TENM3: variants seen among roughly 807,000 people sequenced by gnomAD.
TENM3 encodes teneurin-3.
A neutral mutation model predicts 255.1 loss-of-function variants in TENM3; 63 were observed. That is an observed-to-expected ratio of 0.25 (90% CI 0.20 to 0.30). The LOEUF (loss-of-function observed/expected upper bound fraction) is 0.30. TENM3 is among the 10% of genes least tolerant of loss of function. TENM3 has a pLI of 1.00. For synonymous variants in TENM3, 1,306 were observed against 1,322.3 expected (o/e 0.99, Z 0.27); for missense variants, 2,929 against 3,461.1 (o/e 0.85, Z 3.86).
chr4:182,776,855 A>G (rs75099425), intron 24 of TENM3, among the ~76,000 whole-genome samples: 2 of 152,214 alleles, frequency 1.3e-5, no homozygotes, highest in Non-Finnish European at 2.9e-5. Flanking sequence ...GTTTTAGAAA[A>G]TACGCTATTT....
chr4:182,095,280 A>T, the TENM3 span, among the ~76,000 whole-genome samples: 27,774 of 152,186 alleles, frequency 0.18, 2,754 homozygotes, highest in Non-Finnish European at 0.21. Context: ...CAACCTAAGT[A>T]CCCATCAACA....
chr4:182,798,210 G>A (rs1004873651), intron 27 of TENM3, among the ~76,000 whole-genome samples: 3 of 152,064 alleles, frequency 2.0e-5, no homozygotes, highest in African/African-American at 4.8e-5. Flanking sequence ...GTCTCCCTGC[G>A]TAGCACAGGC....
chr4:182,784,322 G>A (rs1402711351), intron 24 of TENM3, among the ~76,000 whole-genome samples: 2 of 152,012 alleles, frequency 1.3e-5, no homozygotes, highest in Admixed American at 1.3e-4. Context: ...CGTGTGAGGT[G>A]TCAGTGTGCC....
At chr4:182,697,547 A>G (rs994977231) in intron 12 of TENM3, among the ~76,000 whole-genome samples, 3 of 152,158 alleles carry the variant, frequency 2.0e-5, no homozygotes, top group Non-Finnish European at 4.4e-5. Context: ...TTTGATGGAC[A>G]GAGGGGATAG....
At chr4:181,901,003 A>C in the TENM3 span, among the ~76,000 whole-genome samples, 1 of 152,262 alleles carries the variant, frequency 6.6e-6, no homozygotes, top group South Asian at 2.1e-4. Context: ...TTTCTTTCAG[A>C]TTGGAGCCCA....
chr4:181,641,550 G>GTATATATATATATATATA, the TENM3 span, among the ~76,000 whole-genome samples: 1 of 49,038 alleles, frequency 2.0e-5, no homozygotes, highest in African/African-American at 1.1e-4. Flanking sequence ...TCCATGGTGT[G>GTATATATATATATATATA]TGTGTATATA....
At chr4:181,777,258 C>T in the TENM3 span, among the ~76,000 whole-genome samples, 1 of 152,050 alleles carries the variant, frequency 6.6e-6, no homozygotes. Context: ...TATTCTGTTC[C>T]ATTGGTCTAT....
the TENM3 span, among the ~76,000 whole-genome samples, chr4:181,500,332 T>C: frequency 7.4e-6 from 1 of 134,328 alleles, no homozygotes; most frequent in African/African-American, 2.7e-5. Flanking sequence ...CCCGGCCTTA[T>C]GGAAAAAAAA....
chr4:182,203,634 T>C (rs1754350380), intron 1 of TENM3, among the ~76,000 whole-genome samples: 1 of 152,174 alleles, frequency 6.6e-6, no homozygotes, highest in Non-Finnish European at 1.5e-5. Context: ...GCTGGGCCTG[T>C]ATCCTCCCTC....
At chr4:181,462,638 A>G in the TENM3 span, among the ~76,000 whole-genome samples, 2 of 152,204 alleles carry the variant, frequency 1.3e-5, no homozygotes, top group African/African-American at 4.8e-5. Flanking sequence ...CCCCAGAAGT[A>G]GAATTTTTTG....
intron 24 of TENM3, among the ~76,000 whole-genome samples, chr4:182,776,411 C>T (rs116685841): frequency 6.6e-6 from 1 of 152,044 alleles, no homozygotes; most frequent in Non-Finnish European, 1.5e-5. Context: ...GATTCTGTCT[C>T]GAAACAAGAA....
chr4:182,711,618 C>T (rs928573565), intron 12 of TENM3: 2 of 964,408 alleles, frequency 2.1e-6, no homozygotes, highest in East Asian at 2.3e-4. Context: ...TATACTCGCT[C>T]TTTGTTGACA....
At chr4:181,605,513 A>AG in the TENM3 span, among the ~76,000 whole-genome samples, 1 of 20,896 alleles carries the variant, frequency 4.8e-5, no homozygotes, top group African/African-American at 1.2e-4. Flanking sequence ...AAAGAAAGAA[A>AG]GAAAGAAAGA....
chr4:182,023,371 C>T, the TENM3 span, among the ~76,000 whole-genome samples: 1 of 152,154 alleles, frequency 6.6e-6, no homozygotes, highest in Non-Finnish European at 1.5e-5. Context: ...GAGAATACGT[C>T]TAGAGGGTAA....
At chr4:182,439,535 T>G (rs1266444166) in intron 3 of TENM3, among the ~76,000 whole-genome samples, 3 of 152,216 alleles carry the variant, frequency 2.0e-5, no homozygotes, top group Admixed American at 6.5e-5. Flanking sequence ...TGAAAGAACC[T>G]AAGGTGTTTC....
At chr4:181,662,505 C>G in the TENM3 span, among the ~76,000 whole-genome samples, 1 of 152,176 alleles carries the variant, frequency 6.6e-6, no homozygotes, top group South Asian at 2.1e-4. Context: ...TTGTCCTTCT[C>G]TCGGATATTG....
the TENM3 span, among the ~76,000 whole-genome samples, chr4:181,465,216 A>T: frequency 6.6e-6 from 1 of 151,844 alleles, no homozygotes; most frequent in Non-Finnish European, 1.5e-5. Context: ...TTTAAAACTT[A>T]GTTTCCATAA....
the TENM3 span, among the ~76,000 whole-genome samples, chr4:181,610,224 C>T: frequency 6.6e-6 from 1 of 152,138 alleles, no homozygotes; most frequent in African/African-American, 2.4e-5. Context: ...TGTATGTTTG[C>T]ATGAAATAAA....
chr4:181,494,000 T>C, the TENM3 span, among the ~76,000 whole-genome samples: 1 of 152,286 alleles, frequency 6.6e-6, no homozygotes, highest in Non-Finnish European at 1.5e-5. Context: ...AGGAAATTTA[T>C]GCATGTTAAC....
Sources: allele counts gnomAD v4.1 joint callset (sites outside exome capture counted in the v4.1 genomes callset), GRCh38; gene constraint gnomAD v4.1.1; transcripts MANE v1.5; gene names NCBI Gene and HGNC (gene_info 2026-07-23, HGNC 2026-07-21).